CTNND2: variants seen among roughly 807,000 people sequenced by gnomAD.
CTNND2 encodes catenin delta-2.
Under a neutral mutation model 144.4 loss-of-function variants are expected in CTNND2, and 22 were observed. The observed-to-expected ratio is 0.15, with a 90% CI of 0.11 to 0.22. The LOEUF (loss-of-function observed/expected upper bound fraction) is 0.22. CTNND2 is among the 10% of genes least tolerant of loss of function. The pLI is 1.00. For synonymous variants in CTNND2, 751 were observed against 695.6 expected, an observed-to-expected ratio of 1.08 and a Z score of -1.25; for missense variants, 1,353 against 1,618.8, an observed-to-expected ratio of 0.84 and a Z score of 2.82.
intron 3 of CTNND2, among the ~76,000 whole-genome samples, chr5:11,553,309 C>A (rs1775929452): frequency 6.6e-6 from 1 of 152,180 alleles, no homozygotes; most frequent in African/African-American, 2.4e-5. Flanking sequence ...GTTGTCTAGA[C>A]TATATTATGA....
intron 9 of CTNND2, among the ~76,000 whole-genome samples, chr5:11,277,119 G>C (rs1156771236): frequency 6.6e-6 from 1 of 152,132 alleles, no homozygotes; most frequent in Non-Finnish European, 1.5e-5. Flanking sequence ...ATGTAGAACA[G>C]CTTGAAAATC....
At chr5:11,517,851 C>T (rs948947741) in intron 3 of CTNND2, among the ~76,000 whole-genome samples, 1 of 152,010 alleles carries the variant, frequency 6.6e-6, no homozygotes, top group Non-Finnish European at 1.5e-5. Context: ...AAAGATCTCT[C>T]CTTTCAGCAA....
Position 11,613,863 on chromosome 5 carries a change from C to T in CTNND2, c.175-48807G>A, listed in dbSNP as rs553808815. Among the ~76,000 whole-genome samples, 9 of 152,338 alleles carry T rather than the reference C, an allele frequency of 5.9e-5. No homozygotes were observed. The South Asian group carries it at 6.2e-4, about 11-fold the overall frequency. On this transcript the variant is annotated intron_variant, in intron 2 of 21. Coordinates refer to ENST00000304623, the MANE Select transcript of CTNND2 (RefSeq NM_001332.4). Reference sequence around the variant, plus strand: ...GGACTGACAACTTTTGCTCCCCTGTCTCTACATCTGACTCCCGAACAAAAC... The same window carrying T: ...GGACTGACAACTTTTGCTCCCCTGTTTCTACATCTGACTCCCGAACAAAAC...
rs955759584 is a variant in CTNND2 at position 11,701,422 on chromosome 5, T to C, written c.174+30714A>G. Among the ~76,000 whole-genome samples, 3 of 152,230 alleles carry C rather than the reference T, an allele frequency of 2.0e-5. No individual in the cohort carries two copies. In the South Asian group the frequency reaches 6.2e-4, roughly 32 times the overall value. Reference sequence around the variant, plus strand: ...TTGACAACCTAATAACAATATCAAATTTAATCAATAGACATCTTTGACCAA... The same window carrying C: ...TTGACAACCTAATAACAATATCAAACTTAATCAATAGACATCTTTGACCAA... On this transcript the variant is annotated intron_variant, in intron 2 of 21. Transcript: ENST00000304623.
intron 10 of CTNND2, among the ~76,000 whole-genome samples, chr5:11,225,552 C>T (rs1228678846): frequency 6.6e-6 from 1 of 152,160 alleles, no homozygotes; most frequent in African/African-American, 2.4e-5. Context: ...ATTCCACAAC[C>T]TGGTGAAGCA....
intron 1 of CTNND2, among the ~76,000 whole-genome samples, chr5:11,833,725 G>C (rs1581972739): frequency 6.6e-6 from 1 of 151,962 alleles, no homozygotes; most frequent in Admixed American, 6.6e-5. Flanking sequence ...GGTTTCATCA[G>C]GTTGGCCAGG....
chr5:11,379,593 G>T (rs1037336266), intron 7 of CTNND2, among the ~76,000 whole-genome samples: 6 of 151,198 alleles, frequency 4.0e-5, no homozygotes, highest in Non-Finnish European at 8.8e-5. Context: ...CTTTGGGTCA[G>T]GAAAAAATAT....
chr5:11,511,048 G>C (rs1036656963), intron 3 of CTNND2, among the ~76,000 whole-genome samples: 2 of 152,100 alleles, frequency 1.3e-5, no homozygotes, highest in Non-Finnish European at 2.9e-5. Context: ...TCCATAATGC[G>C]TACTATGTCC....
At chr5:11,272,283 T>C (rs1746106856) in intron 9 of CTNND2, among the ~76,000 whole-genome samples, 1 of 152,224 alleles carries the variant, frequency 6.6e-6, no homozygotes. Context: ...CCACTCAGAT[T>C]ATTTTATATC....
intron 3 of CTNND2, among the ~76,000 whole-genome samples, chr5:11,492,816 A>T (rs2149996163): frequency 6.6e-6 from 1 of 152,120 alleles, no homozygotes; most frequent in African/African-American, 2.4e-5. Flanking sequence ...CACGCCTGTA[A>T]TCCCAGCACT....
chr5:11,034,687 T>C (rs1344022393), intron 16 of CTNND2, among the ~76,000 whole-genome samples: 4 of 152,186 alleles, frequency 2.6e-5, no homozygotes, highest in Non-Finnish European at 4.4e-5. Flanking sequence ...TCTATGTCTG[T>C]GAGGAAACAA....
At chr5:11,900,999 C>T (rs554747989) in intron 1 of CTNND2, among the ~76,000 whole-genome samples, 17 of 152,236 alleles carry the variant, frequency 1.1e-4, no homozygotes, top group South Asian at 2.1e-4. Flanking sequence ...AATGGGTGTT[C>T]CCATTTTCTG....
At chr5:11,550,199 C>T (rs1011607912) in intron 3 of CTNND2, among the ~76,000 whole-genome samples, 1 of 152,190 alleles carries the variant, frequency 6.6e-6, no homozygotes, top group Non-Finnish European at 1.5e-5. Context: ...TACCAGTATA[C>T]TTTCCAATTA....
intron 1 of CTNND2, among the ~76,000 whole-genome samples, chr5:11,902,116 A>C (rs1397888619): frequency 6.6e-6 from 1 of 152,174 alleles, no homozygotes; most frequent in Non-Finnish European, 1.5e-5. Flanking sequence ...AGTGTAATCA[A>C]AGGCCTCCCA....
chr5:11,676,539 C>T (rs1486325272), intron 2 of CTNND2, among the ~76,000 whole-genome samples: 3 of 150,940 alleles, frequency 2.0e-5, no homozygotes, highest in Non-Finnish European at 1.5e-5. Flanking sequence ...AAGAACAGCA[C>T]TTAGCATACT....
At chr5:11,612,715 C>T (rs947529088) in intron 2 of CTNND2, among the ~76,000 whole-genome samples, 2 of 151,926 alleles carry the variant, frequency 1.3e-5, no homozygotes, top group African/African-American at 4.8e-5. Flanking sequence ...GCCTGGGCAA[C>T]ATACTGAGAT....
chr5:11,872,288 G>A (rs1388218332), intron 1 of CTNND2, among the ~76,000 whole-genome samples: 1 of 152,122 alleles, frequency 6.6e-6, no homozygotes, highest in Non-Finnish European at 1.5e-5. Flanking sequence ...TATCACTGAT[G>A]GGCATTTGGG....
At chr5:11,641,385 C>G (rs1781991068) in intron 2 of CTNND2, among the ~76,000 whole-genome samples, 1 of 150,952 alleles carries the variant, frequency 6.6e-6, no homozygotes, top group Non-Finnish European at 1.5e-5. Flanking sequence ...CCACTTCCCA[C>G]TGGAAAAGAC....
At chr5:11,226,582 AC>A (rs1740384426) in intron 10 of CTNND2, among the ~76,000 whole-genome samples, 1 of 152,264 alleles carries the variant, frequency 6.6e-6, no homozygotes. Context: ...ATGGCGTCCA[AC>A]AAAGAGAGAA....
Sources: gnomAD v4.1 joint callset for allele counts (sites outside exome capture counted in the v4.1 genomes callset) on GRCh38, gnomAD v4.1.1 for gene constraint, MANE v1.5 for transcripts, NCBI Gene and HGNC (gene_info 2026-07-23, HGNC 2026-07-21) for gene names.